The following HDAC9 variants were observed in gnomAD, a reference collection of about 807,000 sequenced individuals.
HDAC9 encodes the protein MEF-2 interacting transcription repressor (MITR) protein.
In HDAC9, 41 loss-of-function variants were observed where a neutral mutation model predicts 139.4. The observed-to-expected ratio is 0.29, with a 90% CI of 0.23 to 0.38. HDAC9 has a LOEUF of 0.38. Ranked by LOEUF, HDAC9 falls within the 10% of genes least tolerant of loss-of-function variation. The probability of loss-of-function intolerance (pLI) is 1.00; values close to 1 mark genes in which losing one functional copy is unlikely to be tolerated. For synonymous variants in HDAC9, 517 were observed against 476.2 expected (o/e 1.09, Z -1.12); for missense variants, 1,147 against 1,297.0 (o/e 0.88, Z 1.78).
intron 1 of HDAC9, among the ~76,000 whole-genome samples, chr7:18,341,251 CAT>C (rs143441888): frequency 0.021 from 3,174 of 150,862 alleles, 109 homozygotes; most frequent in African/African-American, 0.073. Flanking sequence ...TGCACACACA[CAT>C]GTGCCTGGTG....
intron 2 of HDAC9, among the ~76,000 whole-genome samples, chr7:18,273,676 A>G (rs1584953082): frequency 6.6e-6 from 1 of 152,216 alleles, no homozygotes; most frequent in African/African-American, 2.4e-5. Context: ...AAAAAGCACT[A>G]ATCTCAAAGG....
intron 2 of HDAC9, among the ~76,000 whole-genome samples, chr7:18,185,183 T>A (rs1325480330): frequency 1.3e-5 from 2 of 152,292 alleles, no homozygotes; most frequent in East Asian, 3.9e-4. Flanking sequence ...GCAAAAAAAG[T>A]CCATTTGTTA....
intron 1 of HDAC9, among the ~76,000 whole-genome samples, chr7:18,297,632 T>C (rs1396968044): frequency 6.6e-6 from 1 of 152,136 alleles, no homozygotes; most frequent in Non-Finnish European, 1.5e-5. Context: ...TGACAGTAAA[T>C]AGGATGTTAT....
At chr7:18,347,928 A>T (rs757240212) in intron 1 of HDAC9, among the ~76,000 whole-genome samples, 1 of 152,138 alleles carries the variant, frequency 6.6e-6, no homozygotes, top group South Asian at 2.1e-4. Context: ...TACAAAGTAG[A>T]TGATAAGTAT....
chr7:18,255,469 G>C (rs1381559423), intron 2 of HDAC9, among the ~76,000 whole-genome samples: 1 of 152,102 alleles, frequency 6.6e-6, no homozygotes, highest in Non-Finnish European at 1.5e-5. Context: ...GGAGCTGTTT[G>C]ATTTGCCTGG....
At chr7:18,210,682 A>T (rs1309526474) in intron 2 of HDAC9, among the ~76,000 whole-genome samples, 3 of 152,206 alleles carry the variant, frequency 2.0e-5, no homozygotes, top group Admixed American at 6.5e-5. Context: ...AGTAATTTTC[A>T]GTTCAAGGTA....
intron 2 of HDAC9, among the ~76,000 whole-genome samples, chr7:18,236,072 A>G (rs1378530597): frequency 6.6e-6 from 1 of 152,210 alleles, no homozygotes; most frequent in Non-Finnish European, 1.5e-5. Flanking sequence ...TGTCAAACGC[A>G]GAGATGATAA....
chr7:18,387,798 T>C (rs900730016), intron 1 of HDAC9, among the ~76,000 whole-genome samples: 13 of 152,208 alleles, frequency 8.5e-5, no homozygotes, highest in African/African-American at 3.1e-4. Flanking sequence ...TGAATTCCAA[T>C]AGTGTGATGT....
chr7:18,831,036 A>C (rs1338496233), intron 19 of HDAC9, among the ~76,000 whole-genome samples: 1 of 152,260 alleles, frequency 6.6e-6, no homozygotes, highest in African/African-American at 2.4e-5. Context: ...AGAAAAGCAG[A>C]TAAAGAGCAA....
At chr7:18,764,610 CT>C (rs1160850633) in intron 15 of HDAC9, among the ~76,000 whole-genome samples, 2 of 152,008 alleles carry the variant, frequency 1.3e-5, no homozygotes, top group African/African-American at 2.4e-5. Context: ...ATTCTTCTGG[CT>C]TTTTTTATTG....
intron 1 of HDAC9, among the ~76,000 whole-genome samples, chr7:18,418,463 A>G (rs1393878996): frequency 6.6e-6 from 1 of 151,212 alleles, no homozygotes; most frequent in Non-Finnish European, 1.5e-5. Context: ...ACGAACACTT[A>G]AAGTTTTTAA....
chr7:18,746,623 C>T (rs1787997873), intron 13 of HDAC9, among the ~76,000 whole-genome samples: 2 of 152,074 alleles, frequency 1.3e-5, no homozygotes, highest in African/African-American at 4.8e-5. Context: ...GGAGATCCAC[C>T]AATTAATTCA....
At chr7:18,284,808 A>G (rs1351568454) in intron 2 of HDAC9, among the ~76,000 whole-genome samples, 3 of 152,178 alleles carry the variant, frequency 2.0e-5, no homozygotes, top group Non-Finnish European at 2.9e-5. Context: ...ATTTAAATCC[A>G]ACACTCACTC....
At chr7:18,802,294 T>G (rs2520341) in intron 17 of HDAC9, among the ~76,000 whole-genome samples, 59,370 of 151,618 alleles carry the variant, frequency 0.39, 13,187 homozygotes, top group African/African-American at 0.61. Context: ...TGTGTATTTT[T>G]AAATTTCCAA....
chr7:18,425,444 G>A (rs1790030893), intron 1 of HDAC9, among the ~76,000 whole-genome samples: 1 of 152,162 alleles, frequency 6.6e-6, no homozygotes, highest in South Asian at 2.1e-4. Context: ...CAGCTGAGTG[G>A]GCAGGTGACG....
At chr7:18,616,623 C>T (rs1054297497) in intron 6 of HDAC9, among the ~76,000 whole-genome samples, 8 of 152,130 alleles carry the variant, frequency 5.3e-5, no homozygotes, top group Non-Finnish European at 8.8e-5. Context: ...TTACCAATAA[C>T]GTTCCAAAAC....
intron 17 of HDAC9, among the ~76,000 whole-genome samples, chr7:18,820,843 A>G (rs1048938884): frequency 2.0e-5 from 3 of 152,246 alleles, no homozygotes; most frequent in African/African-American, 7.2e-5. Flanking sequence ...ATCATTAGAA[A>G]TAGAGATGAG....
chr7:18,326,720 G>C (rs1800475121), intron 1 of HDAC9, among the ~76,000 whole-genome samples: 1 of 152,088 alleles, frequency 6.6e-6, no homozygotes, highest in African/African-American at 2.4e-5. Flanking sequence ...CTTGTTTACT[G>C]CATGGGCTAT....
intron 2 of HDAC9, among the ~76,000 whole-genome samples, chr7:18,169,188 C>T (rs956840062): frequency 1.3e-5 from 2 of 152,070 alleles, no homozygotes; most frequent in Non-Finnish European, 2.9e-5. Context: ...CCACCCACCT[C>T]GGCCTCCCAA....
Sources: allele counts gnomAD v4.1 joint callset (sites outside exome capture counted in the v4.1 genomes callset), GRCh38; gene constraint gnomAD v4.1.1; transcripts MANE v1.5; gene names NCBI Gene and HGNC (gene_info 2026-07-23, HGNC 2026-07-21).